ITGA2B: variants seen among roughly 807,000 people sequenced by gnomAD.
The protein encoded by ITGA2B is integrin subunit alpha 2b.
Under a neutral mutation model 142.0 loss-of-function variants are expected in ITGA2B, and 91 were observed. The observed-to-expected ratio is 0.64, with a 90% CI of 0.54 to 0.76. The LOEUF is 0.76. Among genes scored for constraint, ITGA2B ranks in the 30% least tolerant of loss-of-function variants. The pLI, the probability that ITGA2B is intolerant of heterozygous loss-of-function variation, is 0.00. For synonymous variants in ITGA2B, 536 were observed against 567.2 expected (o/e 0.94, Z 0.78); for missense variants, 1,231 against 1,350.8 (o/e 0.91, Z 1.39).
At position 44,386,146 on chromosome 17, in the gene ITGA2B, T is replaced by G; in HGVS notation, c.189-15A>C. The G allele has an allele frequency of 1.9e-6, 3 of 1,582,018 alleles. No homozygotes were observed. The highest frequency in any genetic ancestry group is 2.6e-6 in the Non-Finnish European group (3 of 1,167,086). On this transcript the variant is annotated splice_polypyrimidine_tract_variant and intron_variant, in intron 1 of 29. Coordinates refer to ENST00000262407, the MANE Select transcript of ITGA2B (RefSeq NM_000419.5). ...CGATGGCCACTCTGCATAGGAAAGC[T>G]GGGTGAGCGCCGCGCAGATTCCAGC... is the stretch of plus-strand genomic sequence containing the variant.
chr17:44,379,729 G>T lies in ITGA2B; in HGVS notation c.1838C>A (p.Pro613His). 2 of 1,613,936 alleles carry T rather than the reference G, an allele frequency of 1.2e-6. No individual in the cohort carries two copies. Among genetic ancestry groups the T allele is most frequent in the Non-Finnish European group, 1.7e-6 (2 of 1,180,028 alleles). ...SLPPTEAGMAPAVVLHGDTHV... is the reference protein window; with the variant it reads ...SLPPTEAGMAHAVVLHGDTHV... ...GGTGTCTCCATGCAGCACGACAGCA[G>T]GGGCCATTCCAGCCTCCGTGGGCGG... The change falls in exon 18 of 30, where the codon CCT becomes CAT. Residue 613 changes from proline to histidine, a missense_variant. By Grantham distance (77) the Pro-to-His change is moderately conservative. Coordinates refer to ENST00000262407, the MANE Select transcript of ITGA2B (RefSeq NM_000419.5).
At position 44,379,832 on chromosome 17, in the gene ITGA2B, G is replaced by C. The variant is rs1236958862; in HGVS notation, c.1753-18C>G. 6.2e-7 allele frequency: 1 copy of C among 1,613,742 alleles called. No homozygotes were observed. The highest frequency in any genetic ancestry group is 8.5e-7 in the Non-Finnish European group (1 of 1,179,958). ...GCCTCATCCTAGGACAGGGGCAAGA[G>C]TCAGGCCATCTTGCTACCATACACA... On this transcript the variant is annotated intron_variant, in intron 17 of 29. Transcript: ENST00000262407.
In ITGA2B at chr17:44,380,500, T is replaced by C. The variant is rs1213359440; in HGVS notation, c.1440-10A>G. 3 of 1,613,784 alleles carry C rather than the reference T, an allele frequency of 1.9e-6. No homozygotes were observed. The highest frequency in any genetic ancestry group is 2.5e-6 in the Non-Finnish European group (3 of 1,179,824). ...CACCACTGGCTGAGCTCTGATGGGA[T>C]AGGGTGATGGGGTAGGCTTGCCATT... On this transcript the variant is annotated splice_polypyrimidine_tract_variant and intron_variant, in intron 14 of 29. Coordinates refer to ENST00000262407, the MANE Select transcript of ITGA2B (RefSeq NM_000419.5).
At chr17:44,378,745 G>A in intron 18 of ITGA2B, 35 bp from the exon 19 acceptor site, 2 of 1,547,482 alleles carry the variant, frequency 1.3e-6, no homozygotes, top group Non-Finnish European at 1.7e-6. Context: ...GGGTAAGTTG[G>A]GGATGTGTGA....
At chr17:44,389,217 AG>A in intron 1 of ITGA2B, 68 bp downstream of exon 1, 1 of 1,545,314 alleles carries the variant, frequency 6.5e-7, no homozygotes, top group Non-Finnish European at 8.9e-7. Flanking sequence ...GGAAACTCGA[AG>A]CCCCCAGAAG....
At chr17:44,378,978 C>T (rs1347489594) in intron 18 of ITGA2B, among the ~76,000 whole-genome samples, 1 of 152,178 alleles carries the variant, frequency 6.6e-6, no homozygotes, top group African/African-American at 2.4e-5. Flanking sequence ...CGGAGTCTCG[C>T]TCTGTCGTCC....
chr17:44,377,604 GCC>G, intron 21 of ITGA2B, 92 bp downstream of exon 21: 1 of 904,434 alleles, frequency 1.1e-6, no homozygotes, highest in South Asian at 1.4e-5. Flanking sequence ...CAAGATTCTG[GCC>G]CAGAACTATG....
At chr17:44,376,578 G>T (rs1026923914) in intron 22 of ITGA2B, among the ~76,000 whole-genome samples, 190 bp from the exon 23 acceptor site, 1 of 152,076 alleles carries the variant, frequency 6.6e-6, no homozygotes, top group African/African-American at 2.4e-5. Flanking sequence ...GAGGAAGAAA[G>T]GGAACCAGGC....
Position 44,374,683 on chromosome 17 carries a change from G to A in ITGA2B, c.2919C>T (p.Leu973=), listed in dbSNP as rs764692388. 2.8e-5 allele frequency: 45 copies of A among 1,614,006 alleles called. No individual in the cohort carries two copies. The highest frequency in any genetic ancestry group is 3.7e-5 in the Non-Finnish European group (44 of 1,179,954). Residue 973 remains leucine, a synonymous_variant, in exon 28 of 30, where the codon CTC becomes CTT. Transcript: ENST00000262407. ...VSSLPYAVPP[L]SLPRGEAQVW... ...CCTGAGCTTCCCCTCGGGGCAGGCT[G>A]AGCGGGGGCACCGCATAGGGGAGGG...
chr17:44,384,824 G>A, intron 7 of ITGA2B, 124 bp downstream of exon 7: 1 of 1,491,022 alleles, frequency 6.7e-7, no homozygotes, highest in East Asian at 2.3e-5. Flanking sequence ...CGGAGGGCGG[G>A]AGCGGCTTAG....
At chr17:44,374,298 C>G (rs2048519680) in intron 29 of ITGA2B, 56 bp downstream of exon 29, 3 of 1,505,560 alleles carry the variant, frequency 2.0e-6, no homozygotes, top group African/African-American at 2.7e-5. Context: ...CCCTGTGAGG[C>G]AGGGCAGAGC....
intron 15 of ITGA2B, 30 bp downstream of exon 15, chr17:44,380,356 C>T (rs1335742551): frequency 6.2e-7 from 1 of 1,614,148 alleles, no homozygotes; most frequent in South Asian, 1.1e-5. Flanking sequence ...GTCCCAGATC[C>T]TTTAAGGCCC....
chr17:44,378,328 G>A, intron 20 of ITGA2B, 34 bp downstream of exon 20: 1 of 1,594,398 alleles, frequency 6.3e-7, no homozygotes, highest in Admixed American at 1.7e-5. Context: ...TGCCTCCCAG[G>A]TCCCGGGTAC....
chr17:44,382,504 C>G (rs1487134638), intron 12 of ITGA2B, among the ~76,000 whole-genome samples: 1 of 151,710 alleles, frequency 6.6e-6, no homozygotes, highest in African/African-American at 2.4e-5. Context: ...TCCTTTCTTT[C>G]TCTATTTTTT....
chr17:44,377,546 G>A (rs2048555871), intron 21 of ITGA2B, 152 bp downstream of exon 21: 1 of 680,720 alleles, frequency 1.5e-6, no homozygotes, highest in Non-Finnish European at 2.7e-6. Context: ...GGGGCTCAGA[G>A]AGGGAAAGTC....
In ITGA2B at chr17:44,377,012, C is replaced by T. The variant is rs763762304; in HGVS notation, c.2264G>A (p.Arg755Gln). 28 of 1,587,860 alleles carry T rather than the reference C, an allele frequency of 1.8e-5. No homozygotes were observed. The highest frequency in any genetic ancestry group is 1.4e-4 in the East Asian group (6 of 44,138). The change falls in exon 22 of 30, where the codon CGG (arginine) becomes CAG (glutamine). Residue 755 changes from arginine (R) to glutamine (Q), a missense_variant. Around this residue, in one of 3 missense-constraint regions of ITGA2B, gnomAD observed 908 missense variants for 1,021.1 expected, o/e 0.89. Coordinates refer to ENST00000262407, the MANE Select transcript of ITGA2B (RefSeq NM_000419.5). ...GESVSFQLQIRSKNSQNPNSK... is the reference protein window; with the variant it reads ...GESVSFQLQIQSKNSQNPNSK... ...GGCACGCTCGCCAGGTCAGTACCTCCGTATCTGCAGCTGGAAGGACACAGA... is the reference window on the plus strand; with the variant it reads ...GGCACGCTCGCCAGGTCAGTACCTCTGTATCTGCAGCTGGAAGGACACAGA...
At position 44,375,099 on chromosome 17, in the gene ITGA2B, C is replaced by G; in HGVS notation, c.2740G>C (p.Ala914Pro). 1 of 1,549,130 alleles carries G rather than the reference C, an allele frequency of 6.5e-7. No homozygotes were observed. Among genetic ancestry groups the G allele is most frequent in the East Asian group, 2.4e-5 (1 of 40,888 alleles). The change falls in exon 27 of 30, where the codon GCG (alanine) becomes CCG (proline). Residue 914 changes from alanine (A) to proline (P), a missense_variant. By Grantham distance (27) the Ala-to-Pro change is conservative. Transcript: ENST00000262407. ...QDPVLVSCDS[A>P]PCTVVQCDLQ... ...TCACACTGCACCACAGTACAGGGCGCCGAGTCGCAGCTCTGAGGGGAAGCA... is the reference window on the plus strand; with the variant it reads ...TCACACTGCACCACAGTACAGGGCGGCGAGTCGCAGCTCTGAGGGGAAGCA...
chr17:44,383,863 C>A (rs756450036), intron 11 of ITGA2B, 31 bp downstream of exon 11: 7 of 1,611,650 alleles, frequency 4.3e-6, no homozygotes, highest in Non-Finnish European at 5.9e-6. Flanking sequence ...TGGGACCCAA[C>A]TGGGTAGGGG....
At position 44,375,022 on chromosome 17, in the gene ITGA2B, G is replaced by T. The variant is rs1257284827; in HGVS notation, c.2817C>A (p.Phe939Leu). Reference protein sequence around the residue: ...GQRAMVTVLAFLWLPSLYQRP... With the variant: ...GQRAMVTVLALLWLPSLYQRP... Reference sequence around the variant, plus strand: ...CCTGGTAGAGGCTGGGCAGCCACAGGAAGGCCAGCACCGTGACCATGGCCC... The same window carrying T: ...CCTGGTAGAGGCTGGGCAGCCACAGTAAGGCCAGCACCGTGACCATGGCCC... Residue 939 changes from phenylalanine (F) to leucine (L), a missense_variant, in exon 27 of 30, where the codon TTC becomes TTA. Phe to Leu is a conservative substitution (Grantham distance 22, BLOSUM62 0). Around this residue, in one of 3 missense-constraint regions of ITGA2B, gnomAD observed 908 missense variants for 1,021.1 expected, o/e 0.89. Transcript: ENST00000262407. The T allele has an allele frequency of 3.9e-6, 6 of 1,543,602 alleles. No individual in the cohort carries two copies. Among genetic ancestry groups the T allele is most frequent in the Non-Finnish European group, 3.5e-6 (4 of 1,146,798 alleles).
Sources: allele counts gnomAD v4.1 joint callset (sites outside exome capture counted in the v4.1 genomes callset), GRCh38; gene constraint gnomAD v4.1.1; regional missense constraint gnomAD v4.1.1; transcripts MANE v1.5; gene names NCBI Gene and HGNC (gene_info 2026-07-23, HGNC 2026-07-21).